The following CLMN variants were observed in gnomAD, a reference collection of about 807,000 sequenced individuals.
CLMN encodes the protein calmin.
CLMN carries 57 observed loss-of-function variants against 92.7 expected under a neutral mutation model. The ratio of observed to expected loss-of-function variants is 0.61; its 90% CI spans 0.50 to 0.77. The LOEUF is 0.77. Among genes scored for constraint, CLMN ranks in the 30% least tolerant of loss-of-function variants. CLMN has a pLI of 0.00. For synonymous variants in CLMN, 466 were observed against 470.6 expected, an observed-to-expected ratio of 0.99 and a Z score of 0.13; for missense variants, 1,158 against 1,237.5, an observed-to-expected ratio of 0.94 and a Z score of 0.96.
intron 4 of CLMN, among the ~76,000 whole-genome samples, chr14:95,220,996 G>A (rs572457165): frequency 6.6e-6 from 1 of 152,314 alleles, no homozygotes; most frequent in South Asian, 2.1e-4. Flanking sequence ...TTCCTTTACT[G>A]CTTAAATCAG....
intron 1 of CLMN, among the ~76,000 whole-genome samples, chr14:95,291,210 G>A (rs1316326331): frequency 3.9e-5 from 6 of 152,226 alleles, no homozygotes; most frequent in Admixed American, 3.9e-4. Flanking sequence ...ACCCAGCTGA[G>A]CCTGGGCGTG....
chr14:95,223,845 G>C lies in CLMN; in HGVS notation c.155C>G (p.Pro52Arg), dbSNP rs752907924. Reference sequence around the variant, plus strand: ...GACGAATAAATCTTTAACTTCTAGAGGTGGGTTGCACTTTGAAAGAGAAGG... The same window carrying C: ...GACGAATAAATCTTTAACTTCTAGACGTGGGTTGCACTTTGAAAGAGAAGG... ...INLHLEKCNP[P>R]LEVKDLFVDI... is the part of the protein sequence containing the mutation. Residue 52 changes from proline to arginine, a missense_variant, in exon 3 of 13, where the codon CCT becomes CGT. Transcript: ENST00000298912. 1.2e-5 allele frequency: 20 copies of C among 1,612,368 alleles called. No individual in the cohort carries two copies. The East Asian group carries it at 4.0e-4, about 32-fold the overall frequency.
intron 1 of CLMN, among the ~76,000 whole-genome samples, chr14:95,246,302 T>C (rs1332266550): frequency 6.6e-6 from 1 of 152,122 alleles, no homozygotes; most frequent in Non-Finnish European, 1.5e-5. Context: ...TCACTCAAAC[T>C]ACCAATCCTA....
intron 1 of CLMN, among the ~76,000 whole-genome samples, chr14:95,284,864 G>A (rs984124770): frequency 3.3e-5 from 5 of 152,126 alleles, no homozygotes; most frequent in Admixed American, 6.5e-5. Context: ...TTAAGGCTTT[G>A]GGGGACTGTT....
In CLMN at chr14:95,182,017, G is replaced by A. The variant is rs539280111; in HGVS notation, c.*9547C>T. 4.9e-4 allele frequency: 75 copies of A among 152,214 alleles called. No individual in the cohort carries two copies. The highest frequency in any genetic ancestry group is 1.6e-3 in the African/African-American group (67 of 41,528). 9.4% of individuals were successfully genotyped at this position (152,214 alleles called of 1,614,324 possible). On this transcript the variant is annotated 3_prime_UTR_variant, in exon 13 of 13. Coordinates refer to ENST00000298912, the MANE Select transcript of CLMN (RefSeq NM_024734.4). ...ACAAGATCATTCATCATAGCACCAA[G>A]CCTAATATTCCTTAATAGAAAACAG...
At position 95,191,644 on chromosome 14, in the gene CLMN, T is replaced by C. The variant is rs752267860; in HGVS notation, c.2929A>G (p.Met977Val). 30 of 1,613,684 alleles carry C rather than the reference T, an allele frequency of 1.9e-5. No individual in the cohort carries two copies. The South Asian group carries it at 2.7e-4, about 15-fold the overall frequency. The change falls in exon 13 of 13, where the codon ATG (methionine) becomes GTG (valine). Residue 977 changes from methionine (M) to valine (V), a missense_variant. Met to Val is a conservative substitution (Grantham distance 21). Transcript: ENST00000298912. This position sits in a 1 kb window ranked among gnomAD's most constrained non-coding sequence, Gnocchi z 5.3. ...SLTQLVQQPD[M>V]MYFILFLWLL... is the part of the protein sequence containing the mutation. ...CACAGGAAGAGAATAAAATACATCA[T>C]ATCCGGCTGCTGGACAAGCTGTGTC...
In CLMN at chr14:95,203,159, T is replaced by C; in HGVS notation, c.2190A>G (p.Pro730=). The C allele has an allele frequency of 1.2e-6, 2 of 1,612,496 alleles. No homozygotes were observed. Among genetic ancestry groups the C allele is most frequent in the Non-Finnish European group, 1.7e-6 (2 of 1,179,946 alleles). ...SVIPHDLFYF[P]HYEVPLAAVL... is the part of the protein sequence containing the mutation. ...CTGCAGCCAGGGGAACCTCATAGTG[T>C]GGGAAATAGAAGAGGTCGTGGGGAA... Residue 730 remains proline, a synonymous_variant, in exon 9 of 13, where the codon CCA becomes CCG. Transcript: ENST00000298912.
intron 1 of CLMN, among the ~76,000 whole-genome samples, chr14:95,232,582 G>A (rs1897925471): frequency 6.6e-6 from 1 of 152,202 alleles, no homozygotes; most frequent in Non-Finnish European, 1.5e-5. Context: ...GTAAGGGAGG[G>A]TCACTGGCTA....
intron 1 of CLMN, among the ~76,000 whole-genome samples, chr14:95,298,060 C>T (rs1407257135): frequency 6.6e-6 from 1 of 152,144 alleles, no homozygotes; most frequent in African/African-American, 2.4e-5. Context: ...TGCTCCAGGG[C>T]CTTGCCCGCA....
At chr14:95,297,607 C>T (rs1367594911) in intron 1 of CLMN, among the ~76,000 whole-genome samples, 2 of 152,166 alleles carry the variant, frequency 1.3e-5, no homozygotes, top group Non-Finnish European at 2.9e-5. Context: ...TGGAATCATG[C>T]AGTCTGTAGA....
chr14:95,316,622 G>A (rs896397837), intron 1 of CLMN, among the ~76,000 whole-genome samples: 1 of 152,246 alleles, frequency 6.6e-6, no homozygotes, highest in African/African-American at 2.4e-5. Flanking sequence ...AGTTCAGCGT[G>A]AGAGATAAAA....
intron 1 of CLMN, among the ~76,000 whole-genome samples, chr14:95,245,225 T>TTATATATATATATATTA (rs1457604912): frequency 1.2e-4 from 3 of 24,360 alleles, no homozygotes; most frequent in Non-Finnish European, 1.8e-4. Context: ...TATATATATA[T>TTATATATATATATATTA]TATATATATA....
rs1898032800 is a variant in CLMN at position 95,235,794 on chromosome 14, C to T, written c.83-5661G>A. ...CACCGGGGCCAGTGTTTCCAGCTTC[C>T]GAGACGCTGCTTGGGAGAGGGGAGG... On this transcript the variant is annotated intron_variant, in intron 1 of 12. Coordinates refer to ENST00000298912, the MANE Select transcript of CLMN (RefSeq NM_024734.4). Among the ~76,000 whole-genome samples, 4 of 152,138 alleles carry T rather than the reference C, an allele frequency of 2.6e-5. No homozygotes were observed. In the East Asian group the frequency reaches 5.8e-4, roughly 22 times the overall value.
rs929810945 is a variant in CLMN at position 95,185,049 on chromosome 14, T to C, written c.*6515A>G. 6.6e-6 allele frequency: 1 copy of C among 152,196 alleles called. No homozygotes were observed. The highest frequency in any genetic ancestry group is 1.5e-5 in the Non-Finnish European group (1 of 68,122). 9.4% of individuals were successfully genotyped at this position (152,196 alleles called of 1,614,324 possible). ...TGAGCCCAGGAGTTTCAGGCTGCAG[T>C]GAGCTGTGATCACACCACTGTACTC... On this transcript the variant is annotated 3_prime_UTR_variant, in exon 13 of 13. Transcript: ENST00000298912.
At position 95,204,309 on chromosome 14, in the gene CLMN, G is replaced by A; in HGVS notation, c.1040C>T (p.Pro347Leu). ...CTTGTCACAGACAAAGACTTTGGAG[G>A]GTGGTGGGTGGCTGGTTTCATGGTT... ...TVNHETSHPP[P>L]SKVFVCDKPE... The change falls in exon 9 of 13, where the codon CCC (proline) becomes CTC (leucine). Residue 347 changes from proline (P) to leucine (L), a missense_variant. Coordinates refer to ENST00000298912, the MANE Select transcript of CLMN (RefSeq NM_024734.4). 6.2e-7 allele frequency: 1 copy of A among 1,614,108 alleles called. No individual in the cohort carries two copies. The highest frequency in any genetic ancestry group is 8.5e-7 in the Non-Finnish European group (1 of 1,180,026).
intron 1 of CLMN, among the ~76,000 whole-genome samples, chr14:95,245,227 A>ATATATATATAT (rs1377695197): frequency 1.6e-4 from 5 of 31,236 alleles, no homozygotes; most frequent in African/African-American, 6.6e-4. Flanking sequence ...TATATATATT[A>ATATATATATAT]TATATATATA....
At chr14:95,225,231 C>T (rs1440405000) in intron 2 of CLMN, among the ~76,000 whole-genome samples, 1 of 151,938 alleles carries the variant, frequency 6.6e-6, no homozygotes, top group African/African-American at 2.4e-5. Flanking sequence ...CAACATTGCA[C>T]CTCACATGAG....
Position 95,196,525 on chromosome 14 carries a change from T to A in CLMN, c.2681A>T (p.Asp894Val). ...SVQSSDDLEE[D>V]SSDYSIPSRT... ...GGAAGGAATGCTGTAGTCGCTACTG[T>A]CTTCTTCTAGGTCATCTGAGGATTG... The change falls in exon 10 of 13, where the codon GAC becomes GTC. Residue 894 changes from aspartate (D) to valine (V), a missense_variant. Coordinates refer to ENST00000298912, the MANE Select transcript of CLMN (RefSeq NM_024734.4). 6.2e-7 allele frequency: 1 copy of A among 1,613,344 alleles called. No homozygotes were observed. The highest frequency in any genetic ancestry group is 8.5e-7 in the Non-Finnish European group (1 of 1,179,778).
At chr14:95,234,361 C>T (rs559312064) in intron 1 of CLMN, among the ~76,000 whole-genome samples, 8 of 152,302 alleles carry the variant, frequency 5.3e-5, no homozygotes, top group Non-Finnish European at 1.2e-4. Flanking sequence ...TGGCCTTCTC[C>T]GCTTTGAGAC....
Sources: allele counts gnomAD v4.1 joint callset (sites outside exome capture counted in the v4.1 genomes callset), GRCh38; gene constraint gnomAD v4.1.1; non-coding constraint Gnocchi (gnomAD v3.1); transcripts MANE v1.5; gene names NCBI Gene and HGNC (gene_info 2026-07-23, HGNC 2026-07-21).